Variants in GNG7 observed in about 807,000 individuals in gnomAD.
GNG7 encodes G protein subunit gamma 7.
A neutral mutation model predicts 4.0 loss-of-function variants in GNG7; 1 was observed. The ratio of observed to expected loss-of-function variants is 0.25; its 90% CI spans 0.09 to 1.18. GNG7 has a LOEUF of 1.18. Ranked by LOEUF, GNG7 falls within the 50% of genes most tolerant of loss-of-function variation. The pLI is 0.50. For missense variants in GNG7, 86 were observed against 91.9 expected, an observed-to-expected ratio of 0.94 and a Z score of 0.26; for synonymous variants, 34 against 36.9, an observed-to-expected ratio of 0.92 and a Z score of 0.29.
At chr19:2,535,761 C>T (rs897170735) in intron 3 of GNG7, among the ~76,000 whole-genome samples, 32 of 152,110 alleles carry the variant, frequency 2.1e-4, no homozygotes, top group Admixed American at 1.1e-3. Context: ...ACGGTACACT[C>T]GGAAAGTCAT....
intron 3 of GNG7, among the ~76,000 whole-genome samples, chr19:2,529,000 A>T (rs1599374694): frequency 6.6e-6 from 1 of 151,492 alleles, no homozygotes; most frequent in Admixed American, 6.6e-5. Flanking sequence ...GAGAAATCTC[A>T]CTCCCCGTGG....
chr19:2,561,301 G>A (rs1354380560), intron 2 of GNG7, among the ~76,000 whole-genome samples: 2 of 152,174 alleles, frequency 1.3e-5, no homozygotes, highest in South Asian at 4.1e-4. Flanking sequence ...TCCTGGAATG[G>A]AGTGGGTGGA....
chr19:2,687,477 A>G (rs1396892552), intron 1 of GNG7, among the ~76,000 whole-genome samples: 2 of 151,530 alleles, frequency 1.3e-5, no homozygotes, highest in Admixed American at 1.3e-4. Flanking sequence ...TTAGCCAGGC[A>G]TGGTGGCCCA....
chr19:2,512,071 G>A lies in GNG7; in HGVS notation c.*2951C>T, dbSNP rs1000005774. The A allele has an allele frequency of 5.1e-6, 5 of 985,914 alleles. No individual in the cohort carries two copies. In the African/African-American group the frequency reaches 7.0e-5, roughly 14 times the overall value. 61.1% of individuals were successfully genotyped at this position (985,914 alleles called of 1,614,324 possible). A position where few individuals can be genotyped will look rare whatever the true frequency, so the allele number is the denominator to read the frequency against. ...AACGGCCTTCTCTCTCCCACCCGAC[G>A]CTGCCTTGTGTGTGTGCGTGGGTGG... is the stretch of plus-strand genomic sequence containing the variant. On this transcript the variant is annotated 3_prime_UTR_variant, in exon 5 of 5. Coordinates refer to ENST00000382159, the MANE Select transcript of GNG7 (RefSeq NM_052847.3). The surrounding 1 kb of genome is among the most constrained non-coding windows in gnomAD (Gnocchi z 4.7).
At chr19:2,553,629 G>A (rs111219954) in intron 3 of GNG7, among the ~76,000 whole-genome samples, 676 of 82,098 alleles carry the variant, frequency 8.2e-3, no homozygotes, top group African/African-American at 0.025. Flanking sequence ...ACATGCACAC[G>A]TTACATGTAA....
intron 3 of GNG7, among the ~76,000 whole-genome samples, chr19:2,552,895 G>T (rs1225594057): frequency 7.4e-6 from 1 of 135,972 alleles, no homozygotes; most frequent in African/African-American, 2.8e-5. Flanking sequence ...TGTCTTCCAC[G>T]AATCCACTCC....
At chr19:2,683,154 G>A (rs554962124) in intron 1 of GNG7, among the ~76,000 whole-genome samples, 7 of 151,958 alleles carry the variant, frequency 4.6e-5, no homozygotes, top group Admixed American at 2.0e-4. Flanking sequence ...CACGAGAATC[G>A]CTTGAACCCG....
intron 1 of GNG7, among the ~76,000 whole-genome samples, chr19:2,678,957 T>A (rs1177651041): frequency 2.6e-5 from 4 of 152,122 alleles, no homozygotes; most frequent in Non-Finnish European, 4.4e-5. Context: ...ACAGCTCCTA[T>A]CCCATCTCCC....
intron 1 of GNG7, among the ~76,000 whole-genome samples, chr19:2,657,350 AAAAAAAAAAAAATAT>A (rs1983007766): frequency 4.0e-5 from 1 of 25,280 alleles, no homozygotes; most frequent in Admixed American, 4.2e-4. Context: ...AAAAAAAAAA[AAAAAAAAAAAAATAT>A]ATATATATAT....
chr19:2,575,555 A>ACAGGCAGG (rs1491488017), intron 2 of GNG7, among the ~76,000 whole-genome samples: 1 of 86,386 alleles, frequency 1.2e-5, no homozygotes, highest in Non-Finnish European at 2.3e-5. Context: ...GCACACGCAG[A>ACAGGCAGG]CACACGCAGG....
intron 1 of GNG7, among the ~76,000 whole-genome samples, chr19:2,682,587 C>T (rs1359679547): frequency 2.8e-5 from 4 of 145,224 alleles, no homozygotes; most frequent in Admixed American, 7.1e-5. Context: ...CACTTGAACC[C>T]GGGAGACGGA....
At chr19:2,568,467 CAT>C (rs1160988313) in intron 2 of GNG7, among the ~76,000 whole-genome samples, 2 of 151,356 alleles carry the variant, frequency 1.3e-5, no homozygotes, top group South Asian at 2.1e-4. Context: ...TACACACACA[CAT>C]GCACATACAC....
At chr19:2,597,305 T>C (rs1286710970) in intron 2 of GNG7, among the ~76,000 whole-genome samples, 1 of 152,080 alleles carries the variant, frequency 6.6e-6, no homozygotes, top group East Asian at 1.9e-4. Context: ...TATATAATAA[T>C]GCTACTTGGG....
chr19:2,602,332 G>A (rs1377696420), intron 2 of GNG7, among the ~76,000 whole-genome samples: 3 of 145,732 alleles, frequency 2.1e-5, no homozygotes, highest in South Asian at 2.2e-4. Context: ...GCGAGACTCC[G>A]TCTCAAAACA....
At chr19:2,698,815 G>A (rs565929473) in intron 1 of GNG7, among the ~76,000 whole-genome samples, 13 of 152,280 alleles carry the variant, frequency 8.5e-5, no homozygotes, top group African/African-American at 2.2e-4. Flanking sequence ...CAGTAAACAC[G>A]AAGCTGAATT....
rs1056889387 is a variant in GNG7, at chr19:2,552,851, A to AC, written c.-38+2297dup. Among the ~76,000 whole-genome samples, 165 of 114,778 alleles carry AC rather than the reference A, an allele frequency of 1.4e-3. 2 individuals are homozygous for AC. Among genetic ancestry groups the AC allele is most frequent in the Non-Finnish European group, 2.7e-3 (137 of 51,632 alleles). 75.3% of individuals were successfully genotyped at this position (114,778 alleles called of 152,430 possible). A position where few individuals can be genotyped will look rare whatever the true frequency, so the allele number is the denominator to read the frequency against. On this transcript the variant is annotated intron_variant, in intron 3 of 4. Transcript: ENST00000382159. ...GTCCCCAAACCATCCTCCCGGCTCC[A>AC]CCCCCCCCACCTCCCCACTGTCTGT... is the stretch of plus-strand genomic sequence containing the variant.
At position 2,653,590 on chromosome 19, in the gene GNG7, T is replaced by C. The variant is rs550315868; in HGVS notation, c.-134-7310A>G. Among the ~76,000 whole-genome samples the C allele has an allele frequency of 1.3e-5, 2 of 152,308 alleles. No individual in the cohort carries two copies. The highest frequency in any genetic ancestry group is 4.8e-5 in the African/African-American group (2 of 41,566). On this transcript the variant is annotated intron_variant, in intron 1 of 4. Coordinates refer to ENST00000382159, the MANE Select transcript of GNG7 (RefSeq NM_052847.3). This position sits in a 1 kb window ranked among gnomAD's most constrained non-coding sequence, Gnocchi z 4.8. ...GAATGTAGGGTCTCCCCCTCGGCACTGTGGGCATTGGGGCCGGATCATTCT... is the reference window on the plus strand; with the variant it reads ...GAATGTAGGGTCTCCCCCTCGGCACCGTGGGCATTGGGGCCGGATCATTCT...
chr19:2,592,252 C>G (rs10408376), intron 2 of GNG7, among the ~76,000 whole-genome samples: 59,813 of 151,970 alleles, frequency 0.39, 13,248 homozygotes, highest in African/African-American at 0.59. Context: ...GAATGAAGCT[C>G]ACTGATCACA....
chr19:2,549,271 C>T (rs1418866821), intron 3 of GNG7, among the ~76,000 whole-genome samples: 3 of 149,052 alleles, frequency 2.0e-5, no homozygotes, highest in Admixed American at 6.9e-5. Flanking sequence ...AGGACATGCA[C>T]GGAGGGCTTA....
Sources: allele counts gnomAD v4.1 joint callset (sites outside exome capture counted in the v4.1 genomes callset), GRCh38; gene constraint gnomAD v4.1.1; non-coding constraint Gnocchi (gnomAD v3.1); transcripts MANE v1.5; gene names NCBI Gene and HGNC (gene_info 2026-07-23, HGNC 2026-07-21).